Variants in GON4L observed in about 807,000 individuals in gnomAD.
The protein encoded by GON4L is gon-4 like.
In GON4L, 87 loss-of-function variants were observed where a neutral mutation model predicts 211.8. The observed-to-expected ratio is 0.41, with a 90% CI of 0.35 to 0.49. The LOEUF is 0.49. Ranked by LOEUF, GON4L falls within the 20% of genes least tolerant of loss-of-function variation. The pLI, the probability that GON4L is intolerant of heterozygous loss-of-function variation, is 0.15. For synonymous variants in GON4L, 875 were observed against 962.6 expected (o/e 0.91, Z 1.68); for missense variants, 2,155 against 2,659.5 (o/e 0.81, Z 4.17).
chr1:155,817,642 A>G (rs188017321), intron 6 of GON4L, among the ~76,000 whole-genome samples: 2 of 152,350 alleles, frequency 1.3e-5, no homozygotes, highest in Non-Finnish European at 1.5e-5. Flanking sequence ...GGCCAAGTAT[A>G]GCGGCTCATG....
intron 11 of GON4L, among the ~76,000 whole-genome samples, chr1:155,798,228 T>C (rs1666270535): frequency 6.7e-6 from 1 of 148,340 alleles, no homozygotes; most frequent in African/African-American, 2.5e-5. Flanking sequence ...TCAACATTTA[T>C]ACTCAGCTTA....
intron 1 of GON4L, among the ~76,000 whole-genome samples, chr1:155,854,356 C>T (rs1046190870): frequency 2.6e-5 from 4 of 152,184 alleles, no homozygotes; most frequent in Middle Eastern, 6.8e-3. Flanking sequence ...GGGGTTTCAC[C>T]GTGTTAGCCA....
intron 12 of GON4L, among the ~76,000 whole-genome samples, chr1:155,792,008 A>G (rs1424367522): frequency 6.6e-6 from 1 of 152,164 alleles, no homozygotes; most frequent in Admixed American, 6.6e-5. Context: ...TTTGGGTTCA[A>G]TAAGGAAAGT....
intron 2 of GON4L, among the ~76,000 whole-genome samples, chr1:155,829,141 C>A (rs1669506419): frequency 6.6e-6 from 1 of 152,160 alleles, no homozygotes; most frequent in Admixed American, 6.6e-5. Context: ...CACCATCCAG[C>A]TAAATCTTCT....
At chr1:155,745,968 G>C (rs1557811442), downstream of GON4L, 1 of 768,676 alleles carries the variant, frequency 1.3e-6, no homozygotes, top group Non-Finnish European at 2.1e-6. Flanking sequence ...CAGTCCCGAC[G>C]TTCAGCCGGC....
chr1:155,787,515 G>A (rs927621124), intron 12 of GON4L, among the ~76,000 whole-genome samples: 7 of 152,180 alleles, frequency 4.6e-5, no homozygotes, highest in Non-Finnish European at 1.0e-4. Flanking sequence ...GCTTACGCCT[G>A]TAATTCCAGC....
At chr1:155,796,030 T>C (rs1280864638) in intron 11 of GON4L, among the ~76,000 whole-genome samples, 1 of 152,100 alleles carries the variant, frequency 6.6e-6, no homozygotes, top group African/African-American at 2.4e-5. Context: ...CCAAAATACT[T>C]CCGGTCCTGA....
intron 16 of GON4L, 91 bp downstream of exon 16, chr1:155,776,304 T>A: frequency 1.1e-6 from 1 of 937,724 alleles, no homozygotes; most frequent in Non-Finnish European, 1.7e-6. Context: ...GAAGAATAAA[T>A]ATAGATTATG....
At position 155,853,582 on chromosome 1, in the gene GON4L, C is replaced by A. The variant is rs1037418789; in HGVS notation, c.199G>T (p.Ala67Ser). 5.0e-6 allele frequency: 8 copies of A among 1,614,188 alleles called. No individual in the cohort carries two copies. The highest frequency in any genetic ancestry group is 6.8e-6 in the Non-Finnish European group (8 of 1,180,006). Residue 67 changes from alanine (A) to serine (S), a missense_variant, in exon 2 of 32, where the codon GCA (alanine) becomes TCA (serine). Physicochemically the swap from Ala to Ser is moderately conservative, Grantham distance 99. Around this residue, in one of 6 missense-constraint regions of GON4L, gnomAD observed 313 missense variants for 293.2 expected, o/e 1.07. Coordinates refer to ENST00000368331, the MANE Select transcript of GON4L (RefSeq NM_001282860.2). ...TCCTCCATACCAAGCTGATTTCCTG[C>A]ATCCTGCAAAGACTGTACTTCGAAG... is the stretch of plus-strand genomic sequence containing the variant. ...AGFEVQSLQDAGNQLGMEDTS... is the reference protein window; with the variant it reads ...AGFEVQSLQDSGNQLGMEDTS...
intron 11 of GON4L, among the ~76,000 whole-genome samples, chr1:155,795,729 G>T (rs113072664): frequency 0.066 from 10,002 of 152,090 alleles, 409 homozygotes; most frequent in African/African-American, 0.11. Flanking sequence ...AGCCTTGACT[G>T]CCCAGGATCA....
In GON4L at chr1:155,765,152, A is replaced by T; in HGVS notation, c.4321T>A (p.Ser1441Thr). 1 of 1,614,104 alleles carries T rather than the reference A, an allele frequency of 6.2e-7. No homozygotes were observed. The highest frequency in any genetic ancestry group is 8.5e-7 in the Non-Finnish European group (1 of 1,180,024). ...TCTGGCCCAACTGGAGTCCCCACTG[A>T]CTGACCATCAACACTGGATGAATCT... ...PEDSSSVDGQ[S>T]VGTPVGPETG... Residue 1441 changes from serine (S) to threonine (T), a missense_variant, in exon 21 of 32, where the codon TCA becomes ACA. Ser to Thr is a moderately conservative substitution (Grantham distance 58). Transcript: ENST00000368331.
rs190957288 is a variant in GON4L, at chr1:155,815,549, G to A, written c.1161+256C>T. On this transcript the variant is annotated intron_variant, in intron 8 of 31. Coordinates refer to ENST00000368331, the MANE Select transcript of GON4L (RefSeq NM_001282860.2). ...TAGTAATGATATATTTCTTGACTTT[G>A]CTATGAGTTTCATGAGGATTTGCAT... Among the ~76,000 whole-genome samples the A allele has an allele frequency of 1.7e-3, 266 of 152,210 alleles. 1 individual carries two copies. Among genetic ancestry groups the A allele is most frequent in the African/African-American group, 6.1e-3 (255 of 41,546 alleles).
intron 2 of GON4L, among the ~76,000 whole-genome samples, chr1:155,829,526 G>A (rs904232804): frequency 6.6e-6 from 1 of 152,134 alleles, no homozygotes; most frequent in African/African-American, 2.4e-5. Context: ...CCTGAACCGG[G>A]GAGGCAGAGG....
intron 10 of GON4L, among the ~76,000 whole-genome samples, chr1:155,806,728 C>G (rs1490548849): frequency 6.6e-6 from 1 of 152,062 alleles, no homozygotes; most frequent in Non-Finnish European, 1.5e-5. Context: ...CAATAATATC[C>G]CATTGTATAG....
chr1:155,832,429 A>G (rs1396592738), intron 2 of GON4L, among the ~76,000 whole-genome samples: 2 of 152,190 alleles, frequency 1.3e-5, no homozygotes, highest in Non-Finnish European at 2.9e-5. Context: ...TCACAAGGTC[A>G]GGAGTTCAAG....
downstream of GON4L, chr1:155,749,568 C>T: frequency 7.0e-7 from 1 of 1,423,278 alleles, no homozygotes; most frequent in Non-Finnish European, 9.5e-7. Context: ...TCCTCCTTAC[C>T]CCCACCTCTT....
chr1:155,792,448 C>T (rs531878254), intron 12 of GON4L, among the ~76,000 whole-genome samples: 2 of 152,170 alleles, frequency 1.3e-5, no homozygotes, highest in Non-Finnish European at 2.9e-5. Flanking sequence ...TTGCCACCAG[C>T]TTTACAGCAA....
intron 14 of GON4L, among the ~76,000 whole-genome samples, chr1:155,778,484 C>T (rs1664061605): frequency 6.6e-6 from 1 of 152,172 alleles, no homozygotes; most frequent in South Asian, 2.1e-4. Flanking sequence ...ATCTCCTGAC[C>T]TCATGATCCA....
intron 10 of GON4L, among the ~76,000 whole-genome samples, chr1:155,810,406 C>T (rs1298642604): frequency 6.6e-6 from 1 of 151,940 alleles, no homozygotes; most frequent in Non-Finnish European, 1.5e-5. Flanking sequence ...AAACTTGGAA[C>T]ATTAAAATTT....
Sources: gnomAD v4.1 joint callset for allele counts (sites outside exome capture counted in the v4.1 genomes callset) on GRCh38, gnomAD v4.1.1 for gene constraint, gnomAD v4.1.1 regional missense constraint, MANE v1.5 for transcripts, NCBI Gene and HGNC (gene_info 2026-07-23, HGNC 2026-07-21) for gene names.